The following GPC6 variants were observed in gnomAD, a reference collection of about 807,000 sequenced individuals.
The protein encoded by GPC6 is glypican-6.
GPC6 carries 14 observed loss-of-function variants against 55.2 expected under a neutral mutation model. The observed-to-expected ratio is 0.25, with a 90% CI of 0.17 to 0.40. The LOEUF (loss-of-function observed/expected upper bound fraction) is 0.40, where lower values mean the gene tolerates loss of function less well. Among genes scored for constraint, GPC6 ranks in the 10% least tolerant of loss-of-function variants. The probability of loss-of-function intolerance (pLI) is 1.00; values close to 1 mark genes in which losing one functional copy is unlikely to be tolerated. For missense variants in GPC6, 641 were observed against 708.5 expected, an observed-to-expected ratio of 0.90 and a Z score of 1.08; for synonymous variants, 278 against 259.6, an observed-to-expected ratio of 1.07 and a Z score of -0.68.
intron 2 of GPC6, among the ~76,000 whole-genome samples, chr13:93,658,853 T>C (rs1880800681): frequency 6.6e-6 from 1 of 151,852 alleles, no homozygotes; most frequent in Non-Finnish European, 1.5e-5. Context: ...TATGATATGA[T>C]TGTCAGATTT....
At chr13:94,325,361 G>T (rs775337469) in intron 6 of GPC6, among the ~76,000 whole-genome samples, 3 of 152,210 alleles carry the variant, frequency 2.0e-5, no homozygotes, top group Non-Finnish European at 4.4e-5. Context: ...AGGGCAGTCA[G>T]TCTGGACGCC....
intron 1 of GPC6, among the ~76,000 whole-genome samples, chr13:93,393,242 G>A (rs972205252): frequency 6.6e-6 from 1 of 151,298 alleles, no homozygotes; most frequent in African/African-American, 2.4e-5. Flanking sequence ...GGGTTCAAGC[G>A]ATTCTCCTGC....
At chr13:94,378,135 A>G (rs1056842478) in intron 6 of GPC6, among the ~76,000 whole-genome samples, 15 of 152,200 alleles carry the variant, frequency 9.9e-5, no homozygotes, top group African/African-American at 3.1e-4. Flanking sequence ...AGCATGGCAC[A>G]TGTATACATA....
intron 6 of GPC6, among the ~76,000 whole-genome samples, chr13:94,336,010 G>GTAT (rs1480548744): frequency 6.6e-6 from 1 of 151,858 alleles, no homozygotes. Context: ...AGCCCAGGAA[G>GTAT]TATTAGTTAG....
intron 4 of GPC6, among the ~76,000 whole-genome samples, chr13:94,240,360 C>T (rs1891016969): frequency 6.6e-6 from 1 of 152,092 alleles, no homozygotes; most frequent in Non-Finnish European, 1.5e-5. Flanking sequence ...AACTTGGCAT[C>T]CTCCAGACAC....
chr13:94,237,784 GT>G (rs1481273911), intron 4 of GPC6, among the ~76,000 whole-genome samples: 2 of 152,256 alleles, frequency 1.3e-5, no homozygotes, highest in African/African-American at 4.8e-5. Flanking sequence ...GTAAGCCAGG[GT>G]TATAATGGGA....
chr13:94,262,711 A>G (rs1425406977), intron 4 of GPC6, among the ~76,000 whole-genome samples: 1 of 152,044 alleles, frequency 6.6e-6, no homozygotes, highest in Non-Finnish European at 1.5e-5. Flanking sequence ...CACTGGTCTA[A>G]AGGTAAACTT....
intron 3 of GPC6, among the ~76,000 whole-genome samples, chr13:93,855,800 G>A (rs974735492): frequency 2.6e-5 from 4 of 151,630 alleles, no homozygotes; most frequent in Non-Finnish European, 5.9e-5. Flanking sequence ...ATGCTTATTT[G>A]CCATTTGTTT....
intron 1 of GPC6, among the ~76,000 whole-genome samples, chr13:93,424,308 C>A (rs1566349414): frequency 6.6e-6 from 1 of 152,152 alleles, no homozygotes; most frequent in Non-Finnish European, 1.5e-5. Flanking sequence ...CCAGCATCGA[C>A]CAAGTTATTG....
At position 94,044,417 on chromosome 13, in the gene GPC6, A is replaced by C. The variant is rs116113551; in HGVS notation, c.877+16523A>C. Among the ~76,000 whole-genome samples, 621 of 151,940 alleles carry C rather than the reference A, an allele frequency of 4.1e-3. 6 individuals carry two copies. Among genetic ancestry groups the C allele is most frequent in the African/African-American group, 0.014 (599 of 41,502 alleles). On this transcript the variant is annotated intron_variant, in intron 4 of 8. Coordinates refer to ENST00000377047, the MANE Select transcript of GPC6 (RefSeq NM_005708.5). ...CAAGGTCTGCTTGCAAAAGTTCAAA[A>C]AAATTGCAGCCTCAGGCATAAATGG...
chr13:93,975,158 G>A (rs888580287), intron 3 of GPC6, among the ~76,000 whole-genome samples: 1 of 152,176 alleles, frequency 6.6e-6, no homozygotes, highest in Non-Finnish European at 1.5e-5. Flanking sequence ...TCTGATGCAT[G>A]CAAGACTATG....
chr13:93,671,174 T>C (rs1480605191), intron 2 of GPC6, among the ~76,000 whole-genome samples: 2 of 152,204 alleles, frequency 1.3e-5, no homozygotes, highest in African/African-American at 4.8e-5. Context: ...ATCATGTGTT[T>C]GACATACTGG....
At chr13:93,858,865 A>C (rs576815883) in intron 3 of GPC6, among the ~76,000 whole-genome samples, 4 of 151,714 alleles carry the variant, frequency 2.6e-5, no homozygotes, top group South Asian at 2.1e-4. Flanking sequence ...ATTTTGTTAT[A>C]AAAAGGGAAG....
chr13:93,698,952 C>T (rs1882576098), intron 2 of GPC6, among the ~76,000 whole-genome samples: 1 of 151,974 alleles, frequency 6.6e-6, no homozygotes, highest in Non-Finnish European at 1.5e-5. Context: ...TATGCATTGA[C>T]TTAGGGAGAA....
intron 6 of GPC6, among the ~76,000 whole-genome samples, chr13:94,312,783 G>A (rs1876322302): frequency 6.6e-6 from 1 of 151,854 alleles, no homozygotes; most frequent in African/African-American, 2.4e-5. Flanking sequence ...AACAAAAAAA[G>A]TAAAACCTCA....
intron 5 of GPC6, among the ~76,000 whole-genome samples, chr13:94,288,307 G>A (rs1187734726): frequency 1.3e-5 from 2 of 151,956 alleles, no homozygotes; most frequent in Admixed American, 1.3e-4. Flanking sequence ...TTCTCTAAAA[G>A]CAACAGCTTC....
At chr13:93,263,208 T>C (rs531337940) in intron 1 of GPC6, among the ~76,000 whole-genome samples, 2 of 152,282 alleles carry the variant, frequency 1.3e-5, no homozygotes, top group African/African-American at 4.8e-5. Context: ...TTGGAGCCAG[T>C]TGGTCTTAGC....
intron 7 of GPC6, among the ~76,000 whole-genome samples, chr13:94,393,227 A>G (rs1880741708): frequency 6.6e-6 from 1 of 152,182 alleles, no homozygotes; most frequent in African/African-American, 2.4e-5. Flanking sequence ...AATATGCTAT[A>G]TATTACATCG....
chr13:93,394,021 A>T (rs1875751501), intron 1 of GPC6, among the ~76,000 whole-genome samples: 1 of 152,084 alleles, frequency 6.6e-6, no homozygotes, highest in South Asian at 2.1e-4. Flanking sequence ...CTGATATTAA[A>T]CTCACATTTA....
Sources: gnomAD v4.1 joint callset for allele counts (sites outside exome capture counted in the v4.1 genomes callset) on GRCh38, gnomAD v4.1.1 for gene constraint, MANE v1.5 for transcripts, NCBI Gene and HGNC (gene_info 2026-07-23, HGNC 2026-07-21) for gene names.